SPAG17: variants seen among roughly 807,000 people sequenced by gnomAD.
SPAG17 encodes the protein sperm-associated antigen 17.
A neutral mutation model predicts 273.6 loss-of-function variants in SPAG17; 169 were observed. That is an observed-to-expected ratio of 0.62 (90% CI 0.55 to 0.70). The LOEUF is 0.70. Ranked by LOEUF, SPAG17 falls within the 30% of genes least tolerant of loss-of-function variation. The pLI, the probability that SPAG17 is intolerant of heterozygous loss-of-function variation, is 0.00. For synonymous variants in SPAG17, 825 were observed against 873.2 expected (o/e 0.94, Z 0.97); for missense variants, 2,557 against 2,627.8 (o/e 0.97, Z 0.59).
chr1:118,075,429 G>A (rs1230690893), intron 15 of SPAG17, among the ~76,000 whole-genome samples: 1 of 152,202 alleles, frequency 6.6e-6, no homozygotes, highest in Non-Finnish European at 1.5e-5. Flanking sequence ...AGAAGAAAGA[G>A]TTCCATGATA....
intron 1 of SPAG17, among the ~76,000 whole-genome samples, chr1:118,170,470 CA>C (rs1660369941): frequency 6.6e-6 from 1 of 151,786 alleles, no homozygotes; most frequent in Non-Finnish European, 1.5e-5. Context: ...GATGGATGAG[CA>C]AGGAGTGGAA....
intron 5 of SPAG17, 31 bp from the exon 6 acceptor site, chr1:118,099,831 A>G: frequency 6.3e-7 from 1 of 1,597,644 alleles, no homozygotes; most frequent in South Asian, 1.1e-5. Flanking sequence ...AAGAGCAGCC[A>G]TCATTGTAAA....
At chr1:118,097,911 A>G (rs1655820677) in intron 6 of SPAG17, 60 bp from the exon 7 acceptor site, 11 of 1,235,282 alleles carry the variant, frequency 8.9e-6, no homozygotes, top group Middle Eastern at 5.0e-4. Flanking sequence ...TCCCACTTTA[A>G]GTGAACATGG....
chr1:118,093,383 A>G, intron 7 of SPAG17, 66 bp from the exon 8 acceptor site: 12 of 1,462,432 alleles, frequency 8.2e-6, no homozygotes, highest in Non-Finnish European at 1.1e-5. Flanking sequence ...GATATATGGT[A>G]TATATCTCTT....
chr1:117,973,461 C>G lies in SPAG17; in HGVS notation c.6105G>C (p.Leu2035Phe). 8.1e-6 allele frequency: 13 copies of G among 1,613,860 alleles called. No homozygotes were observed. The highest frequency in any genetic ancestry group is 1.1e-5 in the Non-Finnish European group (13 of 1,179,808). The change falls in exon 44 of 49, where the codon TTG (leucine) becomes TTC (phenylalanine). Residue 2035 changes from leucine to phenylalanine, a missense_variant. Transcript: ENST00000336338. ...RKEKVKLPHYLLSSKPKSQPL... is the reference protein window; with the variant it reads ...RKEKVKLPHYFLSSKPKSQPL... ...GTTGAGACTTAGGCTTGGAACTCAG[C>G]AAATAATGAGGCAACTTCACTTTTT...
rs754488534 is a variant in SPAG17 at position 118,012,181 on chromosome 1, C to A, written c.4432+47G>T. The A allele has an allele frequency of 2.5e-6, 4 of 1,574,054 alleles. No homozygotes were observed. The South Asian group carries it at 4.5e-5, about 18-fold the overall frequency. On this transcript the variant is annotated intron_variant, in intron 30 of 48. Coordinates refer to ENST00000336338, the MANE Select transcript of SPAG17 (RefSeq NM_206996.4). ...CAGTGAGGATTCTATCTAACTTACGCTAAAGAGTTATAAAATATTGTCATG... is the reference window on the plus strand; with the variant it reads ...CAGTGAGGATTCTATCTAACTTACGATAAAGAGTTATAAAATATTGTCATG...
chr1:118,073,248 T>TTTA (rs1355048629), intron 17 of SPAG17, among the ~76,000 whole-genome samples: 1 of 152,176 alleles, frequency 6.6e-6, no homozygotes, highest in Non-Finnish European at 1.5e-5. Context: ...ATTTCCTGGG[T>TTTA]TTATATCTAG....
intron 30 of SPAG17, among the ~76,000 whole-genome samples, chr1:118,011,405 G>T (rs541567983): frequency 2.0e-4 from 30 of 152,192 alleles, no homozygotes; most frequent in African/African-American, 7.2e-4. Context: ...AAACAAACAC[G>T]ATCACATCCT....
chr1:118,089,065 G>GAAAA (rs1199940575), intron 10 of SPAG17, among the ~76,000 whole-genome samples: 1 of 151,898 alleles, frequency 6.6e-6, no homozygotes, highest in Non-Finnish European at 1.5e-5. Flanking sequence ...GGGAAGGGAA[G>GAAAA]AAAAAAATAG....
chr1:117,990,883 A>G lies in SPAG17; in HGVS notation c.5499T>C (p.Thr1833=). Residue 1833 remains threonine (T), a synonymous_variant, in exon 38 of 49, where the codon ACT becomes ACC. Coordinates refer to ENST00000336338, the MANE Select transcript of SPAG17 (RefSeq NM_206996.4). The part of the protein sequence containing the change: ...LVMSFPKMEE[T]TKSHVTEVAA... ...TACCTTCAGTAACATGACTTTTTGT[A>G]GTTTCCTCCATTTTAGGGAAAGACT... 6.4e-7 allele frequency: 1 copy of G among 1,573,478 alleles called. No homozygotes were observed. The highest frequency in any genetic ancestry group is 1.4e-5 in the African/African-American group (1 of 73,502).
At chr1:117,997,083 G>A (rs1173530533) in intron 32 of SPAG17, among the ~76,000 whole-genome samples, 1 of 152,112 alleles carries the variant, frequency 6.6e-6, no homozygotes, top group Non-Finnish European at 1.5e-5. Context: ...TCATGCAATA[G>A]TTGTCTTGAA....
At chr1:118,057,650 C>CA (rs1459472555) in intron 18 of SPAG17, among the ~76,000 whole-genome samples, 3 of 151,636 alleles carry the variant, frequency 2.0e-5, no homozygotes, top group Admixed American at 1.3e-4. Flanking sequence ...AAAAATAAAT[C>CA]AGAGAAATAA....
intron 1 of SPAG17, among the ~76,000 whole-genome samples, chr1:118,153,017 G>GC (rs1553256841): frequency 6.6e-6 from 1 of 152,068 alleles, no homozygotes; most frequent in Non-Finnish European, 1.5e-5. Context: ...CCCTTATCCC[G>GC]CTGTCCACTG....
At chr1:118,109,383 T>TAAA (rs56023474) in intron 4 of SPAG17, among the ~76,000 whole-genome samples, 4 of 116,186 alleles carry the variant, frequency 3.4e-5, no homozygotes, top group African/African-American at 1.3e-4. Flanking sequence ...CCATCTTTAC[T>TAAA]AAAAAAAAAA....
chr1:118,121,397 G>A (rs1475409301), intron 3 of SPAG17, among the ~76,000 whole-genome samples: 3 of 152,132 alleles, frequency 2.0e-5, no homozygotes, highest in Non-Finnish European at 2.9e-5. Flanking sequence ...CCATCCCCTG[G>A]TTAGGGCCAG....
chr1:118,146,502 A>G lies in SPAG17; in HGVS notation c.315+4041T>C, dbSNP rs79267142. ...ATAGATTTCCATCTTTAGGATTTTA[A>G]AGTTGCCATCAAAATATGTACGGAA... On this transcript the variant is annotated intron_variant, in intron 3 of 48. Transcript: ENST00000336338. Among the ~76,000 whole-genome samples the G allele has an allele frequency of 2.6e-3, 403 of 152,324 alleles. 2 individuals are homozygous for G. Among genetic ancestry groups the G allele is most frequent in the African/African-American group, 9.3e-3 (387 of 41,582 alleles).
chr1:118,000,015 G>A (rs1450219889), intron 32 of SPAG17, among the ~76,000 whole-genome samples: 9 of 152,158 alleles, frequency 5.9e-5, no homozygotes, highest in Non-Finnish European at 1.3e-4. Flanking sequence ...GTGTAAGGAA[G>A]GGATCCAGTT....
At chr1:118,156,090 GTTA>G (rs1659634545) in intron 1 of SPAG17, among the ~76,000 whole-genome samples, 1 of 152,170 alleles carries the variant, frequency 6.6e-6, no homozygotes, top group Non-Finnish European at 1.5e-5. Context: ...TAAACAAGTA[GTTA>G]TTATGATAGA....
intron 3 of SPAG17, among the ~76,000 whole-genome samples, chr1:118,141,336 T>C (rs541515902): frequency 6.6e-6 from 1 of 152,360 alleles, no homozygotes; most frequent in East Asian, 1.9e-4. Context: ...CAAAGCTATG[T>C]ACCACCTGTA....
Sources: allele counts gnomAD v4.1 joint callset (sites outside exome capture counted in the v4.1 genomes callset), GRCh38; gene constraint gnomAD v4.1.1; transcripts MANE v1.5; gene names NCBI Gene and HGNC (gene_info 2026-07-23, HGNC 2026-07-21).